Variants in FRMD5 observed in about 807,000 individuals in gnomAD.
FRMD5 encodes the protein FERM domain containing 5, also known as FERM domain-containing protein 5.
A neutral mutation model predicts 69.0 loss-of-function variants in FRMD5; 20 were observed. That is an observed-to-expected ratio of 0.29 (90% CI 0.20 to 0.42). The LOEUF (loss-of-function observed/expected upper bound fraction) is 0.42, where lower values mean the gene tolerates loss of function less well. FRMD5 is among the 10% of genes least tolerant of loss of function. The pLI is 1.00. For synonymous variants in FRMD5, 271 were observed against 260.1 expected, an observed-to-expected ratio of 1.04 and a Z score of -0.40; for missense variants, 595 against 708.6, an observed-to-expected ratio of 0.84 and a Z score of 1.82.
At chr15:43,880,164 CA>C (rs1419044301) in intron 13 of FRMD5, among the ~76,000 whole-genome samples, 46 of 152,290 alleles carry the variant, frequency 3.0e-4, no homozygotes, top group African/African-American at 1.1e-3. Flanking sequence ...TGGTGCCAGC[CA>C]AGTTGCATGG....
intron 1 of FRMD5, among the ~76,000 whole-genome samples, chr15:43,996,466 A>G (rs1595602056): frequency 1.3e-5 from 2 of 152,216 alleles, no homozygotes; most frequent in Non-Finnish European, 1.5e-5. Flanking sequence ...GCCCTCTTCA[A>G]TGTATCTTTT....
chr15:44,067,134 AT>A (rs1893344655), intron 1 of FRMD5, among the ~76,000 whole-genome samples: 1 of 152,168 alleles, frequency 6.6e-6, no homozygotes, highest in African/African-American at 2.4e-5. Context: ...GTGAAAATAC[AT>A]GGAAACTTAT....
chr15:43,877,277 A>C (rs1189531288), intron 13 of FRMD5, among the ~76,000 whole-genome samples: 3 of 152,204 alleles, frequency 2.0e-5, no homozygotes, highest in Admixed American at 6.5e-5. Context: ...GGTTTTACCT[A>C]AGTCAGGTTG....
chr15:43,893,329 A>G (rs748940011), intron 7 of FRMD5, among the ~76,000 whole-genome samples: 1 of 152,116 alleles, frequency 6.6e-6, no homozygotes, highest in Non-Finnish European at 1.5e-5. Flanking sequence ...ACCAACAGAG[A>G]GGGCCTCCTG....
rs73409807 is a variant in FRMD5, at chr15:44,192,629, A to G, written c.102+2324T>C. Among the ~76,000 whole-genome samples the G allele has an allele frequency of 1.1e-3, 164 of 152,316 alleles. 1 individual carries two copies. The highest frequency in any genetic ancestry group is 3.8e-3 in the African/African-American group (160 of 41,584). ...CACTACAGAAATGCATGAAGGGAAA[A>G]GCTGATAAGAAAAGCTCAATTTCTA... On this transcript the variant is annotated intron_variant, in intron 1 of 13. Transcript: ENST00000417257.
At chr15:44,132,805 T>C (rs1242891167) in intron 1 of FRMD5, among the ~76,000 whole-genome samples, 1 of 151,560 alleles carries the variant, frequency 6.6e-6, no homozygotes, top group Non-Finnish European at 1.5e-5. Flanking sequence ...TTGCCCAGGC[T>C]GGAGTACAGT....
In FRMD5 at chr15:43,880,958, G is replaced by A. The variant is rs557692171; in HGVS notation, c.1135+2745C>T. Among the ~76,000 whole-genome samples, 14 of 152,310 alleles carry A rather than the reference G, an allele frequency of 9.2e-5. No homozygotes were observed. The East Asian group carries it at 2.3e-3, about 25-fold the overall frequency. On this transcript the variant is annotated intron_variant, in intron 13 of 13. Transcript: ENST00000417257. ...TGGGGACCTGACTCAGCCTCAGCATGTCTCAGGATCACAAGGACTGTTTTC... is the reference window on the plus strand; with the variant it reads ...TGGGGACCTGACTCAGCCTCAGCATATCTCAGGATCACAAGGACTGTTTTC...
intron 1 of FRMD5, among the ~76,000 whole-genome samples, chr15:44,013,356 A>G (rs945201852): frequency 6.6e-6 from 1 of 152,192 alleles, no homozygotes; most frequent in Non-Finnish European, 1.5e-5. Context: ...CAAAAAAGAT[A>G]TATTTCCAAA....
chr15:44,025,320 G>A (rs556660203), intron 1 of FRMD5, among the ~76,000 whole-genome samples: 1 of 152,266 alleles, frequency 6.6e-6, no homozygotes, highest in East Asian at 1.9e-4. Context: ...GAGAGTGAAT[G>A]GAGGCTTCAT....
chr15:44,044,695 T>A (rs920879688), intron 1 of FRMD5, among the ~76,000 whole-genome samples: 1 of 149,840 alleles, frequency 6.7e-6, no homozygotes, highest in African/African-American at 2.5e-5. Context: ...TTCTCATTCA[T>A]AAGTGGGTGC....
chr15:43,873,978 C>G lies in FRMD5; in HGVS notation c.1620G>C (p.Glu540Asp), dbSNP rs376269021. Reference sequence around the variant, plus strand: ...AGTATTGATAGTGGAATTGTTCAAACTCGGGGGTCTGGCGGATATCACGGA... The same window carrying G: ...AGTATTGATAGTGGAATTGTTCAAAGTCGGGGGTCTGGCGGATATCACGGA... ...AFFRDIRQTP[E>D]FEQFHYQYFC... Residue 540 changes from glutamate (E) to aspartate (D), a missense_variant, in exon 14 of 14, where the codon GAG becomes GAC. Glu to Asp is a conservative substitution (Grantham distance 45, BLOSUM62 2). Transcript: ENST00000417257. The G allele has an allele frequency of 1.9e-6, 3 of 1,614,042 alleles. No homozygotes were observed. The highest frequency in any genetic ancestry group is 2.5e-6 in the Non-Finnish European group (3 of 1,180,042).
At chr15:44,124,373 A>G (rs1344994897) in intron 1 of FRMD5, among the ~76,000 whole-genome samples, 2 of 152,032 alleles carry the variant, frequency 1.3e-5, no homozygotes, top group African/African-American at 4.8e-5. Context: ...GAAGGAAGGA[A>G]AAAAAGAGGT....
At chr15:43,989,824 G>T in intron 1 of FRMD5, 2 of 1,030,810 alleles carry the variant, frequency 1.9e-6, no homozygotes, top group South Asian at 2.5e-5. Flanking sequence ...CATGATCTGG[G>T]TCATCTTCTT....
chr15:43,895,349 T>G (rs2088889286), intron 7 of FRMD5, among the ~76,000 whole-genome samples: 1 of 152,144 alleles, frequency 6.6e-6, no homozygotes, highest in Non-Finnish European at 1.5e-5. Context: ...CAGTCAGAGA[T>G]CCGCCAGAGT....
intron 1 of FRMD5, among the ~76,000 whole-genome samples, chr15:43,980,073 G>A (rs1212828194): frequency 6.6e-6 from 1 of 152,092 alleles, no homozygotes; most frequent in East Asian, 1.9e-4. Flanking sequence ...CGAAATACTA[G>A]TCTATAAATC....
intron 1 of FRMD5, among the ~76,000 whole-genome samples, chr15:44,021,233 C>T (rs879533289): frequency 6.6e-6 from 1 of 152,180 alleles, no homozygotes; most frequent in African/African-American, 2.4e-5. Flanking sequence ...TTGCAGTGAG[C>T]TGAGATTGCA....
At chr15:44,158,122 T>A (rs930315367) in intron 1 of FRMD5, among the ~76,000 whole-genome samples, 1 of 152,196 alleles carries the variant, frequency 6.6e-6, no homozygotes, top group Admixed American at 6.5e-5. Context: ...GATCCATATA[T>A]CTAATTTTAA....
intron 1 of FRMD5, among the ~76,000 whole-genome samples, chr15:44,181,541 T>C (rs2078001130): frequency 6.6e-6 from 1 of 152,168 alleles, no homozygotes; most frequent in Non-Finnish European, 1.5e-5. Flanking sequence ...TTTTATAGTA[T>C]ACAATTAAAT....
At chr15:44,134,008 A>G (rs965906009) in intron 1 of FRMD5, among the ~76,000 whole-genome samples, 3 of 152,224 alleles carry the variant, frequency 2.0e-5, no homozygotes, top group Non-Finnish European at 4.4e-5. Flanking sequence ...AAATAAGCCA[A>G]TATGGATGGT....
Sources: allele counts gnomAD v4.1 joint callset (sites outside exome capture counted in the v4.1 genomes callset), GRCh38; gene constraint gnomAD v4.1.1; transcripts MANE v1.5; gene names NCBI Gene and HGNC (gene_info 2026-07-23, HGNC 2026-07-21).